INPP5D: variants seen among roughly 807,000 people sequenced by gnomAD.
The protein encoded by INPP5D is phosphatidylinositol 3,4,5-trisphosphate 5-phosphatase 1.
Under a neutral mutation model 122.9 loss-of-function variants are expected in INPP5D, and 33 were observed. That is an observed-to-expected ratio of 0.27 (90% confidence interval 0.20 to 0.36). The LOEUF (loss-of-function observed/expected upper bound fraction) is 0.36, where lower values mean the gene tolerates loss of function less well. INPP5D is among the 10% of genes least tolerant of loss of function. The probability of loss-of-function intolerance (pLI) is 1.00; values close to 1 mark genes in which losing one functional copy is unlikely to be tolerated. For synonymous variants in INPP5D, 584 were observed against 576.2 expected (o/e 1.01, Z -0.19); for missense variants, 1,053 against 1,412.7 (o/e 0.75, Z 4.08).
intron 6 of INPP5D, chr2:233,145,351 C>A: frequency 2.2e-6 from 1 of 456,126 alleles, no homozygotes; most frequent in Non-Finnish European, 4.4e-6. Flanking sequence ...GTTGGCCAGA[C>A]ACTGTTCTGA....
rs6704603 is a variant in INPP5D at position 233,128,115 on chromosome 2, G to T, written c.524+2196G>T. ...GAGCTCTGCCTCCTGTCAGATCAGCGGTGGCATTAGATTCTCATGAGTGTG... is the reference window on the plus strand; with the variant it reads ...GAGCTCTGCCTCCTGTCAGATCAGCTGTGGCATTAGATTCTCATGAGTGTG... On this transcript the variant is annotated intron_variant, in intron 4 of 26. Transcript: ENST00000445964. The surrounding 1 kb of genome is among the most constrained non-coding windows in gnomAD (Gnocchi z 4.5). 1.6e-4 allele frequency among the ~76,000 whole-genome samples: 25 copies of T among 152,262 alleles called. No individual in the cohort carries two copies. The highest frequency in any genetic ancestry group is 3.4e-3 in the Middle Eastern group (1 of 294).
intron 17 of INPP5D, among the ~76,000 whole-genome samples, chr2:233,173,865 A>G (rs1186173392): frequency 6.6e-6 from 1 of 152,220 alleles, no homozygotes; most frequent in Non-Finnish European, 1.5e-5. Flanking sequence ...ACCTGGAAGC[A>G]GAGGTTGCAG....
At chr2:233,176,012 G>A (rs1694615287) in intron 17 of INPP5D, among the ~76,000 whole-genome samples, 1 of 152,190 alleles carries the variant, frequency 6.6e-6, no homozygotes, top group Non-Finnish European at 1.5e-5. Context: ...AAGAAAATTG[G>A]TAAAAGGAAG....
At chr2:233,112,679 T>C (rs902438250) in intron 2 of INPP5D, among the ~76,000 whole-genome samples, 2 of 152,176 alleles carry the variant, frequency 1.3e-5, no homozygotes, top group Non-Finnish European at 2.9e-5. Context: ...CTATATATCT[T>C]TTTTTTAAAA....
chr2:233,122,534 G>T (rs899687396), intron 3 of INPP5D, among the ~76,000 whole-genome samples: 2 of 152,240 alleles, frequency 1.3e-5, no homozygotes, highest in Non-Finnish European at 2.9e-5. Flanking sequence ...TGGGCTTGCT[G>T]GCTCACGCCT....
In INPP5D at chr2:233,146,368, T is replaced by C. The variant is rs1445149811; in HGVS notation, c.836T>C (p.Val279Ala). 2.8e-6 allele frequency: 2 copies of C among 704,286 alleles called. No individual in the cohort carries two copies. The highest frequency in any genetic ancestry group is 2.0e-5 in the Admixed American group (1 of 50,018). 43.6% of individuals were successfully genotyped at this position (704,286 alleles called of 1,614,324 possible). The stretch of plus-strand genomic sequence containing the variant: ...TGTCTCTAACGCTGCTGCCCACAGG[T>C]CAAGGCCTTGCTGCACGAGGGTCCT... The part of the protein sequence containing the change: ...TSLLSSIEDK[V>A]KALLHEGPES... The change falls in exon 8 of 27, where the codon GTC becomes GCC. Residue 279 changes from valine to alanine, a missense_variant and splice_region_variant. Physicochemically the swap from Val to Ala is moderately conservative, Grantham distance 64. Around this residue, in one of 6 missense-constraint regions of INPP5D, gnomAD observed 196 missense variants for 175.6 expected, o/e 1.12. Coordinates refer to ENST00000445964, the MANE Select transcript of INPP5D (RefSeq NM_001017915.3).
At chr2:233,124,821 C>T (rs901638377) in intron 3 of INPP5D, among the ~76,000 whole-genome samples, 1 of 152,238 alleles carries the variant, frequency 6.6e-6, no homozygotes, top group Non-Finnish European at 1.5e-5. Flanking sequence ...CTTCCGCAAA[C>T]GAGGTCGCCC....
intron 2 of INPP5D, among the ~76,000 whole-genome samples, chr2:233,080,416 G>A (rs558605255): frequency 6.8e-6 from 1 of 147,030 alleles, no homozygotes; most frequent in African/African-American, 2.5e-5. Context: ...AGGAGACAAA[G>A]TTTCCACATC....
chr2:233,158,159 C>A (rs1006773724), intron 9 of INPP5D, among the ~76,000 whole-genome samples, 154 bp from the exon 10 acceptor site: 1 of 152,256 alleles, frequency 6.6e-6, no homozygotes, highest in Non-Finnish European at 1.5e-5. Flanking sequence ...TTGGGAAGAG[C>A]AGCTGGAAGC....
At chr2:233,083,109 C>A (rs1691734180) in intron 2 of INPP5D, among the ~76,000 whole-genome samples, 1 of 152,208 alleles carries the variant, frequency 6.6e-6, no homozygotes, top group Non-Finnish European at 1.5e-5. Context: ...CGGCTGGGAT[C>A]TGGGTTCAAG....
At position 233,206,230 on chromosome 2, in the gene INPP5D, A is replaced by G. The variant is rs1238849960; in HGVS notation, c.3568-476A>G. Reference sequence around the variant, plus strand: ...TAGAAGGAGAATTGCATTGTAGGCTATTATGTATTATTACCATGTATTATC... The same window carrying G: ...TAGAAGGAGAATTGCATTGTAGGCTGTTATGTATTATTACCATGTATTATC... On this transcript the variant is annotated intron_variant, in intron 26 of 26. Transcript: ENST00000445964. This position sits in a 1 kb window ranked among gnomAD's most constrained non-coding sequence, Gnocchi z 4.0. 1.3e-5 allele frequency among the ~76,000 whole-genome samples: 2 copies of G among 152,128 alleles called. No homozygotes were observed. The highest frequency in any genetic ancestry group is 6.5e-5 in the Admixed American group (1 of 15,278).
chr2:233,161,408 A>C (rs997132431), intron 10 of INPP5D, among the ~76,000 whole-genome samples: 3 of 152,192 alleles, frequency 2.0e-5, no homozygotes, highest in Non-Finnish European at 2.9e-5. Flanking sequence ...TACATTATTA[A>C]TGAATCTCCT....
chr2:233,206,927 G>T lies in INPP5D; in HGVS notation c.*219G>T, dbSNP rs369508003. The T allele has an allele frequency of 6.3e-5, 34 of 541,674 alleles. No individual in the cohort carries two copies. The highest frequency in any genetic ancestry group is 5.6e-4 in the African/African-American group (29 of 51,734). The allele number at this position is 541,674 out of a possible 1,614,324, so 33.6% of individuals were successfully genotyped here. A position where few individuals can be genotyped will look rare whatever the true frequency, so the allele number is the denominator to read the frequency against. ...CTGGAAGAAAAACGCACACCAGACG[G>T]GCAACAAACAGTCTGGGTCCCCAGC... On this transcript the variant is annotated 3_prime_UTR_variant, in exon 27 of 27. Coordinates refer to ENST00000445964, the MANE Select transcript of INPP5D (RefSeq NM_001017915.3). This position sits in a 1 kb window ranked among gnomAD's most constrained non-coding sequence, Gnocchi z 4.0.
At chr2:233,130,924 C>T in intron 5 of INPP5D, 1 of 591,162 alleles carries the variant, frequency 1.7e-6, no homozygotes, top group Non-Finnish European at 3.2e-6. Flanking sequence ...GAGGACATGG[C>T]CAGCCCTTTC....
At chr2:233,163,611 G>T in intron 11 of INPP5D, 96 bp from the exon 12 acceptor site, 1 of 1,585,582 alleles carries the variant, frequency 6.3e-7, no homozygotes, top group South Asian at 1.1e-5. Flanking sequence ...GTAATGACGT[G>T]ACCTCCCTCA....
chr2:233,133,974 G>A (rs1192164886), intron 5 of INPP5D: 2 of 456,262 alleles, frequency 4.4e-6, no homozygotes, highest in East Asian at 1.4e-4. Flanking sequence ...CAATGGCTGG[G>A]GGCGTGCAGA....
intron 5 of INPP5D, among the ~76,000 whole-genome samples, chr2:233,137,849 A>ATATAT (rs1302913747): frequency 6.3e-5 from 1 of 15,848 alleles, no homozygotes; most frequent in African/African-American, 1.8e-4. Context: ...AAAAAAAAAA[A>ATATAT]AAAAATATAT....
chr2:233,155,179 C>G (rs1466978549), intron 9 of INPP5D, among the ~76,000 whole-genome samples: 1 of 151,870 alleles, frequency 6.6e-6, no homozygotes, highest in Non-Finnish European at 1.5e-5. Context: ...AAGGACAACT[C>G]TGGGGCAATA....
At chr2:233,113,527 A>G (rs1041219991) in intron 2 of INPP5D, among the ~76,000 whole-genome samples, 13 of 152,188 alleles carry the variant, frequency 8.5e-5, no homozygotes, top group African/African-American at 3.1e-4. Flanking sequence ...ATTCAAAGCC[A>G]TGTGGCTGAA....
Sources: gnomAD v4.1 joint callset for allele counts (sites outside exome capture counted in the v4.1 genomes callset) on GRCh38, gnomAD v4.1.1 for gene constraint, gnomAD v4.1.1 regional missense constraint, Gnocchi (gnomAD v3.1) non-coding constraint, MANE v1.5 for transcripts, NCBI Gene and HGNC (gene_info 2026-07-23, HGNC 2026-07-21) for gene names.